The following RAB33A variants were observed in gnomAD, a reference collection of about 807,000 sequenced individuals.
RAB33A encodes the protein ras-related protein Rab-33A.
Under a neutral mutation model 12.0 loss-of-function variants are expected in RAB33A, and 6 were observed. The observed-to-expected ratio is 0.50, with a 90% CI of 0.27 to 0.99. The LOEUF is 0.99. RAB33A is among the 50% of genes least tolerant of loss of function. RAB33A has a pLI of 0.11. For missense variants in RAB33A, 109 were observed against 192.0 expected, an observed-to-expected ratio of 0.57 and a Z score of 2.55; for synonymous variants, 70 against 82.4, an observed-to-expected ratio of 0.85 and a Z score of 0.81.
the RAB33A span, chrX:130,131,747 T>A: frequency 1.2e-5 from 14 of 1,210,143 alleles, no homozygotes; most frequent in Non-Finnish European, 1.5e-5. Context: ...GTGGGCAAAC[T>A]ACTGTCCACA....
chrX:130,168,669 G>A (rs2031572030), upstream of RAB33A, among the ~76,000 whole-genome samples: 1 of 111,900 alleles, frequency 8.9e-6, no homozygotes, highest in African/African-American at 3.2e-5. Context: ...GGGATTACAC[G>A]TGTGAGCCAC....
At chrX:130,154,959 G>A in the RAB33A span, among the ~76,000 whole-genome samples, 2 of 112,484 alleles carry the variant, frequency 1.8e-5, no homozygotes, top group South Asian at 7.3e-4. Flanking sequence ...TGTGGCTTTA[G>A]CTATATCTGG....
the RAB33A span, chrX:130,147,925 A>C: frequency 8.3e-7 from 1 of 1,205,510 alleles, no homozygotes; most frequent in Admixed American, 2.2e-5. Context: ...GTCTCAGATG[A>C]TTCTTTGCCA....
chrX:130,138,225 G>C, the RAB33A span, among the ~76,000 whole-genome samples: 1 of 111,574 alleles, frequency 9.0e-6, no homozygotes, highest in Non-Finnish European at 1.9e-5. Flanking sequence ...CAGCACTTTG[G>C]GAGGCCAAGG....
chrX:130,141,152 A>G, the RAB33A span, among the ~76,000 whole-genome samples: 1 of 111,855 alleles, frequency 8.9e-6, no homozygotes. Context: ...CAAAACCACA[A>G]CAACAAAAAC....
chrX:130,164,261 C>T, the RAB33A span, among the ~76,000 whole-genome samples: 1 of 111,427 alleles, frequency 9.0e-6, no homozygotes, highest in African/African-American at 3.3e-5. Context: ...TCAAAGATGA[C>T]ATCCATTGAT....
At chrX:130,121,095 C>G in the RAB33A span, among the ~76,000 whole-genome samples, 1 of 112,429 alleles carries the variant, frequency 8.9e-6, no homozygotes, top group African/African-American at 3.2e-5. Flanking sequence ...CCTGCTGCTG[C>G]GCTCTGAGCG....
At chrX:130,124,927 G>A in the RAB33A span, among the ~76,000 whole-genome samples, 3 of 111,998 alleles carry the variant, frequency 2.7e-5, no homozygotes, top group East Asian at 5.6e-4. Context: ...AGCCACAATT[G>A]GTAAGGAAGC....
chrX:130,145,580 AAG>A, the RAB33A span: 1 of 1,136,684 alleles, frequency 8.8e-7, no homozygotes, highest in Non-Finnish European at 1.2e-6. Flanking sequence ...CTGTATGGAG[AAG>A]AGAGGGAGAA....
the RAB33A span, among the ~76,000 whole-genome samples, chrX:130,121,208 C>T: frequency 9.0e-6 from 1 of 111,494 alleles, no homozygotes. Flanking sequence ...CCGGCACACC[C>T]TTTGAAACTT....
chrX:130,129,686 C>A, the RAB33A span: 1 of 1,063,137 alleles, frequency 9.4e-7, no homozygotes, highest in Middle Eastern at 2.5e-4. Flanking sequence ...TCAGGCCATG[C>A]CCACACAATG....
the RAB33A span, chrX:130,137,836 G>A: frequency 1.4e-6 from 1 of 738,616 alleles, no homozygotes. Context: ...GCCGAGGTGG[G>A]TGGATCACCT....
chrX:130,116,332 C>T, the RAB33A span, among the ~76,000 whole-genome samples: 2 of 110,319 alleles, frequency 1.8e-5, no homozygotes, highest in Non-Finnish European at 3.8e-5. Flanking sequence ...CTCACTCTGT[C>T]ATCCAGGCTC....
chrX:130,171,974 A>AGCTC lies in RAB33A; in HGVS notation c.-82_-79dup. ...CACGCGCGCACACACACACGCACAG[A>AGCTC]GCTCGCTCGCCTCGAGCGCACGAAC... On this transcript the variant is annotated 5_prime_UTR_variant, in exon 1 of 2. Coordinates refer to ENST00000257017, the MANE Select transcript of RAB33A (RefSeq NM_004794.3). 3 of 1,015,974 alleles carry AGCTC rather than the reference A, an allele frequency of 3.0e-6. No individual in the cohort carries two copies. 83.7% of individuals were successfully genotyped at this position (1,015,974 alleles called of 1,213,427 possible). A position where few individuals can be genotyped will look rare whatever the true frequency, so the allele number is the denominator to read the frequency against.
the RAB33A span, among the ~76,000 whole-genome samples, chrX:130,164,167 CAA>C: frequency 0.45 from 33,684 of 74,617 alleles, 6,058 homozygotes; most frequent in African/African-American, 0.71. Flanking sequence ...GACTCCGTCT[CAA>C]AAAAAAAAAA....
the RAB33A span, among the ~76,000 whole-genome samples, chrX:130,120,225 T>C: frequency 9.1e-6 from 1 of 110,067 alleles, no homozygotes; most frequent in Non-Finnish European, 1.9e-5. Flanking sequence ...TTTTGTTTTT[T>C]TGTTTTTTGT....
upstream of RAB33A, among the ~76,000 whole-genome samples, chrX:130,167,548 G>C (rs2031552796): frequency 8.9e-6 from 1 of 112,216 alleles, no homozygotes; most frequent in Non-Finnish European, 1.9e-5. Context: ...TTTAAGACCA[G>C]TCTGGCCAAC....
At chrX:130,168,779 G>A (rs962249805), upstream of RAB33A, among the ~76,000 whole-genome samples, 3 of 111,080 alleles carry the variant, frequency 2.7e-5, no homozygotes, top group Non-Finnish European at 5.7e-5. Flanking sequence ...GCAGGCAATG[G>A]GTGACATTTT....
the RAB33A span, among the ~76,000 whole-genome samples, chrX:130,133,795 A>ATTTTT: frequency 1.0e-5 from 1 of 99,867 alleles, no homozygotes; most frequent in African/African-American, 3.6e-5. Context: ...GCCTGGCTAA[A>ATTTTT]TTTTTTTTTT....
Sources: allele counts gnomAD v4.1 joint callset (sites outside exome capture counted in the v4.1 genomes callset), GRCh38; gene constraint gnomAD v4.1.1; transcripts MANE v1.5; gene names NCBI Gene and HGNC (gene_info 2026-07-23, HGNC 2026-07-21).